Variants in ITGB8 observed in about 807,000 individuals in gnomAD.
ITGB8 encodes integrin subunit beta 8.
Under a neutral mutation model 89.5 loss-of-function variants are expected in ITGB8, and 30 were observed. The observed-to-expected ratio is 0.34, with a 90% CI of 0.25 to 0.45. The LOEUF (loss-of-function observed/expected upper bound fraction) is 0.45. ITGB8 is among the 20% of genes least tolerant of loss of function. The probability of loss-of-function intolerance (pLI) is 1.00; values close to 1 mark genes in which losing one functional copy is unlikely to be tolerated. For missense variants in ITGB8, 836 were observed against 933.3 expected, an observed-to-expected ratio of 0.90 and a Z score of 1.36; for synonymous variants, 335 against 320.4, an observed-to-expected ratio of 1.05 and a Z score of -0.49.
intron 6 of ITGB8, 29 bp from the exon 7 acceptor site, chr7:20,391,374 T>A (rs560621308): frequency 5.2e-5 from 64 of 1,238,402 alleles, no homozygotes. Context: ...GAAATTTCAT[T>A]CCCTTATTTA....
At chr7:20,388,077 C>T (rs953640326) in intron 6 of ITGB8, among the ~76,000 whole-genome samples, 3 of 152,154 alleles carry the variant, frequency 2.0e-5, no homozygotes, top group African/African-American at 7.2e-5. Flanking sequence ...TAGATATACA[C>T]ATTATTAAAA....
At chr7:20,378,956 T>C (rs897271592) in intron 3 of ITGB8, 95 bp from the exon 4 acceptor site, 7 of 800,826 alleles carry the variant, frequency 8.7e-6, no homozygotes, top group South Asian at 3.6e-5. Flanking sequence ...TTTGTGATGA[T>C]TGTGCTAGGT....
At chr7:20,352,307 C>T (rs1785140033) in intron 1 of ITGB8, 1 of 152,276 alleles carries the variant, frequency 6.6e-6, no homozygotes, top group East Asian at 1.9e-4. Flanking sequence ...CTTGAAAATT[C>T]CCAGCAGGTG....
At chr7:20,396,072 G>A (rs764772636) in intron 8 of ITGB8, among the ~76,000 whole-genome samples, 2 of 152,082 alleles carry the variant, frequency 1.3e-5, no homozygotes, top group African/African-American at 2.4e-5. Flanking sequence ...TTCTCTTCTC[G>A]TTTTCTCCAG....
intron 1 of ITGB8, among the ~76,000 whole-genome samples, chr7:20,355,266 A>G (rs1785253843): frequency 6.6e-6 from 1 of 152,156 alleles, no homozygotes; most frequent in South Asian, 2.1e-4. Context: ...GTTTGGGCTC[A>G]AAGCTATGGG....
intron 12 of ITGB8, among the ~76,000 whole-genome samples, chr7:20,406,983 C>T (rs1787569065): frequency 6.6e-6 from 1 of 152,028 alleles, no homozygotes; most frequent in African/African-American, 2.4e-5. Flanking sequence ...TTTGGCTTCA[C>T]CTGAAACATG....
At chr7:20,371,054 A>G (rs1583501299) in intron 3 of ITGB8, among the ~76,000 whole-genome samples, 2 of 152,304 alleles carry the variant, frequency 1.3e-5, no homozygotes, top group Admixed American at 1.3e-4. Context: ...ATCACCAAAC[A>G]AATAGGCTTA....
At chr7:20,365,307 A>T (rs1785651371) in intron 2 of ITGB8, 1 of 152,294 alleles carries the variant, frequency 6.6e-6, no homozygotes, top group South Asian at 2.1e-4. Flanking sequence ...AAACGGTCAG[A>T]AACTCACTTG....
chr7:20,387,050 A>G (rs1786655167), intron 6 of ITGB8, among the ~76,000 whole-genome samples: 1 of 152,242 alleles, frequency 6.6e-6, no homozygotes, highest in Non-Finnish European at 1.5e-5. Flanking sequence ...AGCACATCCA[A>G]GAGCATATCT....
intron 1 of ITGB8, chr7:20,353,211 T>C (rs958025553): frequency 3.3e-5 from 5 of 152,254 alleles, no homozygotes; most frequent in Non-Finnish European, 7.3e-5. Flanking sequence ...TGAACATGCT[T>C]GTTTGTTTTT....
intron 3 of ITGB8, among the ~76,000 whole-genome samples, chr7:20,368,649 ATTC>A (rs1411929207): frequency 6.6e-6 from 1 of 152,216 alleles, no homozygotes; most frequent in Admixed American, 6.5e-5. Context: ...ATATGACTAC[ATTC>A]TTAAAAATGT....
chr7:20,350,149 T>G (rs1157409991), intron 1 of ITGB8, among the ~76,000 whole-genome samples: 2 of 152,124 alleles, frequency 1.3e-5, no homozygotes, highest in Non-Finnish European at 2.9e-5. Context: ...GAAGTTGTTG[T>G]TGTTGTTGTT....
chr7:20,392,670 C>A (rs921056738), intron 7 of ITGB8, among the ~76,000 whole-genome samples: 3 of 152,148 alleles, frequency 2.0e-5, no homozygotes, highest in African/African-American at 7.2e-5. Context: ...ATCATCCACC[C>A]CACTCCCAGG....
rs1784402103 is a variant in ITGB8 at position 20,331,714 on chromosome 7, C to T, written c.-93C>T. ...GCCTGCGGAAAACGTCCTAGCGACA[C>T]TCGGCCCGCGGGCCCCGAGGTGCGC... On this transcript the variant is annotated 5_prime_UTR_variant, in exon 1 of 14. Coordinates refer to ENST00000222573, the MANE Select transcript of ITGB8 (RefSeq NM_002214.3). The T allele has an allele frequency of 1.4e-6, 2 of 1,422,456 alleles. No individual in the cohort carries two copies. The highest frequency in any genetic ancestry group is 1.9e-6 in the Non-Finnish European group (2 of 1,078,786). 88.1% of individuals were successfully genotyped at this position (1,422,456 alleles called of 1,614,324 possible).
At chr7:20,401,006 G>A (rs1029186980) in intron 9 of ITGB8, among the ~76,000 whole-genome samples, 1 of 151,904 alleles carries the variant, frequency 6.6e-6, no homozygotes, top group East Asian at 1.9e-4. Flanking sequence ...ATAGAGTCTC[G>A]CTGTGTCACT....
In ITGB8 at chr7:20,363,634, C is replaced by T. The variant is rs1469587566; in HGVS notation, c.128-3C>T. The T allele has an allele frequency of 1.9e-6, 3 of 1,557,764 alleles. No homozygotes were observed. The highest frequency in any genetic ancestry group is 1.7e-6 in the Non-Finnish European group (2 of 1,151,830). ...ATTATAACTGTTTTCTCCTTCATTGCAGAAGACAATAGATGTGCATCTTCA... is the reference window on the plus strand; with the variant it reads ...ATTATAACTGTTTTCTCCTTCATTGTAGAAGACAATAGATGTGCATCTTCA... On this transcript the variant is annotated splice_polypyrimidine_tract_variant and splice_region_variant and intron_variant, in intron 1 of 13. Coordinates refer to ENST00000222573, the MANE Select transcript of ITGB8 (RefSeq NM_002214.3).
intron 1 of ITGB8, among the ~76,000 whole-genome samples, chr7:20,362,148 C>G (rs1052540028): frequency 1.3e-5 from 2 of 152,282 alleles, no homozygotes; most frequent in Admixed American, 1.3e-4. Flanking sequence ...CTACTCTTCT[C>G]CTACTACCTT....
At chr7:20,377,918 A>G (rs1786219338) in intron 3 of ITGB8, among the ~76,000 whole-genome samples, 1 of 152,258 alleles carries the variant, frequency 6.6e-6, no homozygotes, top group African/African-American at 2.4e-5. Context: ...GCTAACACCA[A>G]AAATATAATT....
chr7:20,388,476 C>T (rs1275698816), intron 6 of ITGB8, among the ~76,000 whole-genome samples: 1 of 152,092 alleles, frequency 6.6e-6, no homozygotes, highest in African/African-American at 2.4e-5. Context: ...GTCATTAATC[C>T]ACAGGTCTTC....
Sources: allele counts gnomAD v4.1 joint callset (sites outside exome capture counted in the v4.1 genomes callset), GRCh38; gene constraint gnomAD v4.1.1; transcripts MANE v1.5; gene names NCBI Gene and HGNC (gene_info 2026-07-23, HGNC 2026-07-21).